The following KNDC1 variants were observed in gnomAD, a reference collection of about 807,000 sequenced individuals.
KNDC1 encodes kinase non-catalytic C-lobe domain-containing protein 1.
In KNDC1, 106 loss-of-function variants were observed where a neutral mutation model predicts 172.8. The ratio of observed to expected loss-of-function variants is 0.61; its 90% confidence interval spans 0.52 to 0.72. The LOEUF (loss-of-function observed/expected upper bound fraction) is 0.72, where lower values mean the gene tolerates loss of function less well. Among genes scored for constraint, KNDC1 ranks in the 30% least tolerant of loss-of-function variants. KNDC1 has a pLI of 0.00. For missense variants in KNDC1, 2,325 were observed against 2,394.5 expected, an observed-to-expected ratio of 0.97 and a Z score of 0.61; for synonymous variants, 1,083 against 1,062.2, an observed-to-expected ratio of 1.02 and a Z score of -0.38.
intron 17 of KNDC1, 63 bp downstream of exon 17, chr10:133,201,961 G>A (rs905388066): frequency 4.0e-6 from 6 of 1,487,022 alleles, no homozygotes; most frequent in Non-Finnish European, 5.4e-6. Context: ...AGAGCTTCCT[G>A]GTCACTGCAG....
At chr10:133,202,533 C>G (rs1199202380) in intron 17 of KNDC1, 1 of 444,912 alleles carries the variant, frequency 2.2e-6, no homozygotes, top group Non-Finnish European at 4.5e-6. Context: ...CCCGGGACTC[C>G]AGGGTGGATG....
Position 133,200,471 on chromosome 10 carries a change from GGCGGGCCCC to G in KNDC1, c.2989+16_2989+24del, listed in dbSNP as rs1564891917. On this transcript the variant is annotated intron_variant, in intron 16 of 29. Coordinates refer to ENST00000304613, the MANE Select transcript of KNDC1 (RefSeq NM_152643.8). ...CGCTGCACCGCCTGGGTAAGTGCTG[GGCGGGCCCC>G]GCGGCAGGAGCTCTGCTGGGCGGCT... 2 of 1,528,456 alleles carry G rather than the reference GGCGGGCCCC, an allele frequency of 1.3e-6. No individual in the cohort carries two copies. The highest frequency in any genetic ancestry group is 1.8e-6 in the Non-Finnish European group (2 of 1,139,754). The allele number at this position is 1,528,456 out of a possible 1,614,324, so 94.7% of individuals were successfully genotyped here.
intron 3 of KNDC1, among the ~76,000 whole-genome samples, chr10:133,169,891 C>T (rs913295397): frequency 6.6e-6 from 1 of 152,260 alleles, no homozygotes; most frequent in South Asian, 2.1e-4. Context: ...TGCCCGGTCC[C>T]CCTACTCCGT....
chr10:133,201,313 C>T (rs540983559), intron 16 of KNDC1, among the ~76,000 whole-genome samples, 188 bp from the exon 17 acceptor site: 3 of 152,262 alleles, frequency 2.0e-5, no homozygotes, highest in African/African-American at 7.2e-5. Flanking sequence ...CCCCGTGCGG[C>T]AGTTCAGGGT....
intron 17 of KNDC1, among the ~76,000 whole-genome samples, chr10:133,203,511 G>T (rs955296139): frequency 1.3e-5 from 2 of 152,272 alleles, no homozygotes; most frequent in African/African-American, 4.8e-5. Flanking sequence ...TGCAGCGAGG[G>T]CCGTTCTCTG....
intron 29 of KNDC1, among the ~76,000 whole-genome samples, chr10:133,223,553 G>A (rs1589781189): frequency 2.7e-5 from 2 of 72,828 alleles, no homozygotes; most frequent in Non-Finnish European, 2.6e-5. Context: ...GTGTGTGTGC[G>A]TGTGTGTGAG....
intron 6 of KNDC1, among the ~76,000 whole-genome samples, chr10:133,187,588 C>T (rs987206031): frequency 2.6e-5 from 4 of 152,048 alleles, no homozygotes; most frequent in South Asian, 4.2e-4. Flanking sequence ...CTCTCCCTGG[C>T]GGCACGCCTT....
At chr10:133,183,234 G>T in intron 3 of KNDC1, 110 bp from the exon 4 acceptor site, 1 of 1,311,596 alleles carries the variant, frequency 7.6e-7, no homozygotes, top group Non-Finnish European at 1.0e-6. Context: ...TCCCCTCAGG[G>T]GAATCTCACG....
chr10:133,197,185 TC>T, intron 11 of KNDC1, 50 bp downstream of exon 11: 1 of 1,456,942 alleles, frequency 6.9e-7, no homozygotes, highest in Non-Finnish European at 9.5e-7. Flanking sequence ...CTTAGCTTCC[TC>T]CCTCCTGGAC....
Position 133,198,655 on chromosome 10 carries a change from C to T in KNDC1, c.2147C>T (p.Ser716Phe). The T allele has an allele frequency of 6.2e-7, 1 of 1,602,422 alleles. No homozygotes were observed. Among genetic ancestry groups the T allele is most frequent in the Non-Finnish European group, 8.5e-7 (1 of 1,175,618 alleles). ...GAGGGAGAAGGTGAGGAGAAGCTCT[C>T]CCTGGAGGCCCACGCTGGGTCCCCC... is the stretch of plus-strand genomic sequence containing the variant. ...QREGEGEEKL[S>F]LEAHAGSPSL... The change falls in exon 14 of 30, where the codon TCC (serine) becomes TTC (phenylalanine). Residue 716 changes from serine to phenylalanine, a missense_variant. Transcript: ENST00000304613.
chr10:133,200,826 G>T (rs1854343852), intron 16 of KNDC1, among the ~76,000 whole-genome samples: 1 of 152,232 alleles, frequency 6.6e-6, no homozygotes, highest in African/African-American at 2.4e-5. Flanking sequence ...AGCAGAGGGG[G>T]GCCTGTGAGC....
intron 15 of KNDC1, among the ~76,000 whole-genome samples, chr10:133,200,123 C>T (rs113663710): frequency 0.01 from 1,561 of 152,278 alleles, 12 homozygotes; most frequent in Non-Finnish European, 0.016. Context: ...CAAGGGCACC[C>T]ACCCCAGCCC....
rs570488032 is a variant in KNDC1, at chr10:133,168,288, C to T, written c.336C>T (p.Phe112=). Residue 112 remains phenylalanine, a synonymous_variant, in exon 3 of 30, where the codon TTC becomes TTT. Coordinates refer to ENST00000304613, the MANE Select transcript of KNDC1 (RefSeq NM_152643.8). ...DPEGAFVPPE[F]DVTGNTFEAH... Reference sequence around the variant, plus strand: ...AGGGTGCCTTCGTTCCCCCCGAGTTCGACGTGACCGGGAACACCTTTGAGG... The same window carrying T: ...AGGGTGCCTTCGTTCCCCCCGAGTTTGACGTGACCGGGAACACCTTTGAGG... The T allele has an allele frequency of 6.0e-5, 97 of 1,614,132 alleles. No individual in the cohort carries two copies. The highest frequency in any genetic ancestry group is 2.2e-4 in the East Asian group (10 of 44,872).
At chr10:133,188,186 G>C (rs932776310) in intron 6 of KNDC1, among the ~76,000 whole-genome samples, 1 of 152,186 alleles carries the variant, frequency 6.6e-6, no homozygotes, top group Non-Finnish European at 1.5e-5. Flanking sequence ...TGGGAACATG[G>C]GTGTGCACGT....
intron 29 of KNDC1, among the ~76,000 whole-genome samples, chr10:133,223,950 TGA>T (rs1554922595): frequency 2.0e-5 from 2 of 97,864 alleles, no homozygotes; most frequent in African/African-American, 7.0e-5. Context: ...TGTGTGTGTG[TGA>T]GCCCATCCAG....
At position 133,199,286 on chromosome 10, in the gene KNDC1, G is replaced by A. The variant is rs373905405; in HGVS notation, c.2758+20G>A. On this transcript the variant is annotated intron_variant, in intron 14 of 29. Coordinates refer to ENST00000304613, the MANE Select transcript of KNDC1 (RefSeq NM_152643.8). ...TCATGGGTACGTGGGGGCCGCAGAC[G>A]CCCCAGAGGAGGCCCGGGCCAGGGA... 1.8e-5 allele frequency: 28 copies of A among 1,539,102 alleles called. No homozygotes were observed. Among genetic ancestry groups the A allele is most frequent in the Middle Eastern group, 1.7e-4 (1 of 5,794 alleles).
At chr10:133,161,725 T>G (rs7918481) in intron 1 of KNDC1, among the ~76,000 whole-genome samples, 94,904 of 151,696 alleles carry the variant, frequency 0.63, 29,836 homozygotes, top group Admixed American at 0.72. Context: ...CAAGATCACC[T>G]CGGCTCTGAC....
At chr10:133,214,214 C>T (rs78397436) in intron 26 of KNDC1, 92 bp downstream of exon 26, 121,909 of 1,384,034 alleles carry the variant, frequency 0.088, 5,988 homozygotes, top group African/African-American at 0.11. Flanking sequence ...GGCCTGAACC[C>T]TCTCCCAATG....
Position 133,163,284 on chromosome 10 carries a change from A to C in KNDC1, c.102+2715A>C, listed in dbSNP as rs779871715. Among the ~76,000 whole-genome samples, 1 of 152,182 alleles carries C rather than the reference A, an allele frequency of 6.6e-6. No homozygotes were observed. The highest frequency in any genetic ancestry group is 1.5e-5 in the Non-Finnish European group (1 of 68,034). The stretch of plus-strand genomic sequence containing the variant: ...TCCCTGAGAGGCAGGCAGCACTATC[A>C]TCCCTCCCAGAGTTCAGCAACTGCC... On this transcript the variant is annotated intron_variant, in intron 1 of 29. Transcript: ENST00000304613. This position sits in a 1 kb window ranked among gnomAD's most constrained non-coding sequence, Gnocchi z 4.4.
Sources: allele counts gnomAD v4.1 joint callset (sites outside exome capture counted in the v4.1 genomes callset), GRCh38; gene constraint gnomAD v4.1.1; non-coding constraint Gnocchi (gnomAD v3.1); transcripts MANE v1.5; gene names NCBI Gene and HGNC (gene_info 2026-07-23, HGNC 2026-07-21).